MAPK8IP2: variants seen among roughly 807,000 people sequenced by gnomAD.
MAPK8IP2 encodes the protein C-Jun-amino-terminal kinase-interacting protein 2.
A neutral mutation model predicts 75.6 loss-of-function variants in MAPK8IP2; 15 were observed. The ratio of observed to expected loss-of-function variants is 0.20; its 90% CI spans 0.13 to 0.31. The LOEUF is 0.31. Ranked by LOEUF, MAPK8IP2 falls within the 10% of genes least tolerant of loss-of-function variation. The pLI, the probability that MAPK8IP2 is intolerant of heterozygous loss-of-function variation, is 1.00. For missense variants in MAPK8IP2, 1,089 were observed against 1,211.2 expected (o/e 0.90, Z 1.50); for synonymous variants, 632 against 554.5 (o/e 1.14, Z -1.96).
intron 1 of MAPK8IP2, chr22:50,601,375 C>T (rs997165956): frequency 1.6e-5 from 3 of 192,122 alleles, no homozygotes; most frequent in Admixed American, 1.0e-4. Flanking sequence ...AGGCCTCACT[C>T]CGCCGGAGAG....
chr22:50,606,654 G>A lies in MAPK8IP2; in HGVS notation c.2125-4G>A. The A allele has an allele frequency of 6.3e-7, 1 of 1,587,698 alleles. No individual in the cohort carries two copies. The highest frequency in any genetic ancestry group is 8.6e-7 in the Non-Finnish European group (1 of 1,166,578). On this transcript the variant is annotated splice_region_variant and splice_polypyrimidine_tract_variant and intron_variant, in intron 8 of 11. Transcript: ENST00000329492. The stretch of plus-strand genomic sequence containing the variant: ...ACCCTCTTCTCCCCCAACTTCTTCT[G>A]TAGATTGCCACTGCCCGGAAACTGA...
At position 50,613,158 on chromosome 22, in the gene MAPK8IP2, T is replaced by G. The variant is rs1480707432; in HGVS notation, c.*2379T>G. 1 of 152,684 alleles carries G rather than the reference T, an allele frequency of 6.5e-6. No individual in the cohort carries two copies. Among genetic ancestry groups the G allele is most frequent in the Admixed American group, 6.5e-5 (1 of 15,290 alleles). 9.5% of individuals were successfully genotyped at this position (152,684 alleles called of 1,614,324 possible). A position where few individuals can be genotyped will look rare whatever the true frequency, so the allele number is the denominator to read the frequency against. On this transcript the variant is annotated 3_prime_UTR_variant, in exon 12 of 12. Coordinates refer to ENST00000329492, the MANE Select transcript of MAPK8IP2 (RefSeq NM_012324.6). Reference sequence around the variant, plus strand: ...GCTCAGGCCCCTGGCAGCCGCCCCCTGTGCAGACCACTGGGCAGATCCAGC... The same window carrying G: ...GCTCAGGCCCCTGGCAGCCGCCCCCGGTGCAGACCACTGGGCAGATCCAGC...
At position 50,603,897 on chromosome 22, in the gene MAPK8IP2, G is replaced by T; in HGVS notation, c.598G>T (p.Val200Leu). ...DTGPGGAQSP[V>L]RPGCDCEGNR... ...CGGGCCCGGCGGGGCGCAGTCGCCA[G>T]TGCGCCCGGGTTGCGACTGCGAAGG... The change falls in exon 5 of 12, where the codon GTG becomes TTG. Residue 200 changes from valine to leucine, a missense_variant. Transcript: ENST00000329492. The T allele has an allele frequency of 6.5e-7, 1 of 1,536,104 alleles. No homozygotes were observed.
intron 8 of MAPK8IP2, 65 bp from the exon 9 acceptor site, chr22:50,606,593 C>T (rs924289004): frequency 6.1e-6 from 7 of 1,144,366 alleles, no homozygotes; most frequent in African/African-American, 1.5e-5. Context: ...CGTAGTCCCA[C>T]CAAGGGGAAA....
At chr22:50,608,683 C>T (rs569256182) in intron 10 of MAPK8IP2, among the ~76,000 whole-genome samples, 7 of 141,842 alleles carry the variant, frequency 4.9e-5, no homozygotes, top group African/African-American at 1.3e-4. Flanking sequence ...GACCAGACAG[C>T]AGGGACAGCT....
chr22:50,600,949 C>A, intron 1 of MAPK8IP2, 66 bp downstream of exon 1: 1 of 570,980 alleles, frequency 1.8e-6, no homozygotes, highest in Non-Finnish European at 2.3e-6. Context: ...GACCCCGACC[C>A]GGCCCGGACC....
At position 50,604,655 on chromosome 22, in the gene MAPK8IP2, G is replaced by T. The variant is rs1040220165; in HGVS notation, c.1356G>T (p.Ala452=). 2 of 1,519,946 alleles carry T rather than the reference G, an allele frequency of 1.3e-6. No homozygotes were observed. The highest frequency in any genetic ancestry group is 2.4e-5 in the South Asian group (2 of 81,928). The allele number at this position is 1,519,946 out of a possible 1,614,324, so 94.2% of individuals were successfully genotyped here. Residue 452 remains alanine, a synonymous_variant, in exon 5 of 12, where the codon GCG becomes GCT. Coordinates refer to ENST00000329492, the MANE Select transcript of MAPK8IP2 (RefSeq NM_012324.6). ...TRDTITPLWA[A]PGRAARPGRA... is the part of the protein sequence containing the mutation. ...ACACCATCACGCCGCTGTGGGCCGC[G>T]CCCGGCCGCGCCGCCCGCCCGGGAC...
At chr22:50,601,548 C>T (rs1406956705) in intron 1 of MAPK8IP2, 10 of 427,350 alleles carry the variant, frequency 2.3e-5, no homozygotes, top group South Asian at 1.1e-4. Flanking sequence ...TCCAGGGAGG[C>T]GGGGTGGGAG....
In MAPK8IP2 at chr22:50,611,045, C is replaced by G; in HGVS notation, c.*266C>G. 2 of 455,854 alleles carry G rather than the reference C, an allele frequency of 4.4e-6. No homozygotes were observed. Among genetic ancestry groups the G allele is most frequent in the Admixed American group, 7.7e-5 (2 of 25,910 alleles). 28.2% of individuals were successfully genotyped at this position (455,854 alleles called of 1,614,324 possible). ...TCCTCCTCCTTCCCTTCCCAGTCTCCCTTTTCTCTCTCCTGGTGTCTCTGC... is the reference window on the plus strand; with the variant it reads ...TCCTCCTCCTTCCCTTCCCAGTCTCGCTTTTCTCTCTCCTGGTGTCTCTGC... On this transcript the variant is annotated 3_prime_UTR_variant, in exon 12 of 12. Coordinates refer to ENST00000329492, the MANE Select transcript of MAPK8IP2 (RefSeq NM_012324.6). This position sits in a 1 kb window ranked among gnomAD's most constrained non-coding sequence, Gnocchi z 5.5.
At position 50,604,935 on chromosome 22, in the gene MAPK8IP2, G is replaced by A. The variant is rs531933922; in HGVS notation, c.1636G>A (p.Glu546Lys). 1.9e-6 allele frequency: 3 copies of A among 1,610,114 alleles called. No homozygotes were observed. The highest frequency in any genetic ancestry group is 1.7e-5 in the Admixed American group (1 of 59,786). ...SEEDSGGEAS[E>K]EEAGAALLGG... ...AGAGGACAGCGGCGGGGAGGCCAGC[G>A]AGGAGGAGGCGGGCGCGGCGCTGCT... The change falls in exon 5 of 12, where the codon GAG becomes AAG. Residue 546 changes from glutamate to lysine, a missense_variant. Coordinates refer to ENST00000329492, the MANE Select transcript of MAPK8IP2 (RefSeq NM_012324.6).
chr22:50,611,289 C>G lies in MAPK8IP2; in HGVS notation c.*510C>G, dbSNP rs1343537177. ...CAGGGACAAGAGGGGCCCCCTCGCC[C>G]CAGCCCCACCCCACATGGAGCTCAG... On this transcript the variant is annotated 3_prime_UTR_variant, in exon 12 of 12. Transcript: ENST00000329492. The surrounding 1 kb of genome is among the most constrained non-coding windows in gnomAD (Gnocchi z 5.5). 6.5e-6 allele frequency: 1 copy of G among 153,210 alleles called. No individual in the cohort carries two copies. The highest frequency in any genetic ancestry group is 1.5e-5 in the Non-Finnish European group (1 of 68,470). The allele number at this position is 153,210 out of a possible 1,614,324, so 9.5% of individuals were successfully genotyped here. A position where few individuals can be genotyped will look rare whatever the true frequency, so the allele number is the denominator to read the frequency against.
Position 50,611,007 on chromosome 22 carries a change from T to C in MAPK8IP2, c.*228T>C, listed in dbSNP as rs2071140919. On this transcript the variant is annotated 3_prime_UTR_variant, in exon 12 of 12. Coordinates refer to ENST00000329492, the MANE Select transcript of MAPK8IP2 (RefSeq NM_012324.6). The surrounding 1 kb of genome is among the most constrained non-coding windows in gnomAD (Gnocchi z 5.5). ...CCCCTGCTTTTCCTCAGATCCGTTCTTTCTCTGTGTTGTCCTCCTCCTTCC... is the reference window on the plus strand; with the variant it reads ...CCCCTGCTTTTCCTCAGATCCGTTCCTTCTCTGTGTTGTCCTCCTCCTTCC... The C allele has an allele frequency of 1.9e-6, 1 of 531,880 alleles. No individual in the cohort carries two copies. Among genetic ancestry groups the C allele is most frequent in the East Asian group, 3.1e-5 (1 of 32,128 alleles). The allele number at this position is 531,880 out of a possible 1,614,324, so 32.9% of individuals were successfully genotyped here. A position where few individuals can be genotyped will look rare whatever the true frequency, so the allele number is the denominator to read the frequency against.
Position 50,601,795 on chromosome 22 carries a change from C to G in MAPK8IP2, c.72C>G (p.Pro24=), listed in dbSNP as rs779046066. 3 of 1,613,472 alleles carry G rather than the reference C, an allele frequency of 1.9e-6. No homozygotes were observed. The highest frequency in any genetic ancestry group is 8.5e-7 in the Non-Finnish European group (1 of 1,179,634). The change falls in exon 2 of 12, where the codon CCC becomes CCG. Residue 24 remains proline, a synonymous_variant. Coordinates refer to ENST00000329492, the MANE Select transcript of MAPK8IP2 (RefSeq NM_012324.6). The part of the protein sequence containing the change: ...HSLSPPGCRP[P]QDISLEEFDD... Reference sequence around the variant, plus strand: ...ACCCTGGTCTCCTTTCCAGGCCTCCCCAGGACATAAGCCTGGAAGAATTTG... The same window carrying G: ...ACCCTGGTCTCCTTTCCAGGCCTCCGCAGGACATAAGCCTGGAAGAATTTG...
Position 50,606,041 on chromosome 22 carries a change from C to T in MAPK8IP2, c.2124+107C>T, listed in dbSNP as rs181590967. 1.5e-5 allele frequency: 14 copies of T among 948,466 alleles called. 1 individual carries two copies. Among genetic ancestry groups the T allele is most frequent in the South Asian group, 1.4e-4 (9 of 63,158 alleles). 58.8% of individuals were successfully genotyped at this position (948,466 alleles called of 1,614,324 possible). On this transcript the variant is annotated intron_variant, in intron 8 of 11. Coordinates refer to ENST00000329492, the MANE Select transcript of MAPK8IP2 (RefSeq NM_012324.6). ...GGCTCCAAGGTCTGAGGTCTGATTT[C>T]CTCCAGGGAGGGTCTGGGGGATGCT... is the stretch of plus-strand genomic sequence containing the variant.
At chr22:50,608,164 CT>C in intron 10 of MAPK8IP2, among the ~76,000 whole-genome samples, 1 of 151,594 alleles carries the variant, frequency 6.6e-6, no homozygotes, top group South Asian at 2.1e-4. Flanking sequence ...AGGGTGCTGC[CT>C]GCTGGAAGGT....
intron 6 of MAPK8IP2, 56 bp from the exon 7 acceptor site, chr22:50,605,506 G>A: frequency 6.2e-7 from 1 of 1,606,854 alleles, no homozygotes; most frequent in East Asian, 2.2e-5. Context: ...CGGAACGCCA[G>A]TGGACACGAC....
chr22:50,604,237 C>A lies in MAPK8IP2; in HGVS notation c.938C>A (p.Pro313His). 6.4e-7 allele frequency: 1 copy of A among 1,562,742 alleles called. No homozygotes were observed. The highest frequency in any genetic ancestry group is 8.6e-7 in the Non-Finnish European group (1 of 1,162,558). ...TCGGAGCCGGAGCCCCCGCGCGAAC[C>A]CCCGCGCCGCCCCGCCTTCCTGCCC... The part of the protein sequence containing the change: ...PASEPEPPRE[P>H]PRRPAFLPVG... Residue 313 changes from proline (P) to histidine (H), a missense_variant, in exon 5 of 12, where the codon CCC becomes CAC. Pro to His is a moderately conservative substitution (Grantham distance 77). Around this residue, in one of 2 missense-constraint regions of MAPK8IP2, gnomAD observed 960 missense variants for 1,009.6 expected, o/e 0.95. Transcript: ENST00000329492.
intron 9 of MAPK8IP2, 37 bp downstream of exon 9, chr22:50,606,802 G>T (rs75465264): frequency 0.044 from 69,048 of 1,585,652 alleles, 1,933 homozygotes; most frequent in African/African-American, 0.11. Flanking sequence ...GGGACTGGGG[G>T]ATAGGGTTAG....
chr22:50,606,662 C>T lies in MAPK8IP2; in HGVS notation c.2129C>T (p.Ala710Val). 6.3e-7 allele frequency: 1 copy of T among 1,591,520 alleles called. No homozygotes were observed. Among genetic ancestry groups the T allele is most frequent in the Non-Finnish European group, 8.6e-7 (1 of 1,168,918 alleles). Reference protein sequence around the residue: ...GILCAAMQKIATARKLTVHLR... With the variant: ...GILCAAMQKIVTARKLTVHLR... ...CTCCCCCAACTTCTTCTGTAGATTG[C>T]CACTGCCCGGAAACTGACCGTCCAC... Residue 710 changes from alanine (A) to valine (V), a missense_variant, in exon 9 of 12, where the codon GCC (alanine) becomes GTC (valine). Transcript: ENST00000329492.
Sources: gnomAD v4.1 joint callset for allele counts (sites outside exome capture counted in the v4.1 genomes callset) on GRCh38, gnomAD v4.1.1 for gene constraint, gnomAD v4.1.1 regional missense constraint, Gnocchi (gnomAD v3.1) non-coding constraint, MANE v1.5 for transcripts, NCBI Gene and HGNC (gene_info 2026-07-23, HGNC 2026-07-21) for gene names.